The following EDARADD variants were observed in gnomAD, a reference collection of about 807,000 sequenced individuals.
EDARADD encodes ectodysplasin-A receptor-associated adapter protein.
A neutral mutation model predicts 25.6 loss-of-function variants in EDARADD; 20 were observed. The ratio of observed to expected loss-of-function variants is 0.78; its 90% CI spans 0.55 to 1.14. The LOEUF is 1.14. EDARADD is among the 50% of genes most tolerant of loss of function. The probability of loss-of-function intolerance (pLI) is 0.00; values close to 1 mark genes in which losing one functional copy is unlikely to be tolerated. For synonymous variants in EDARADD, 86 were observed against 94.4 expected (o/e 0.91, Z 0.52); for missense variants, 225 against 270.1 (o/e 0.83, Z 1.17).
At chr1:236,394,730 A>T (rs1458061081) in intron 1 of EDARADD, among the ~76,000 whole-genome samples, 1 of 152,226 alleles carries the variant, frequency 6.6e-6, no homozygotes, top group African/African-American at 2.4e-5. Context: ...TTCCTATAAT[A>T]GGCTTATGAT....
intron 4 of EDARADD, among the ~76,000 whole-genome samples, chr1:236,456,964 TG>T (rs536526325): frequency 1.4e-3 from 218 of 152,250 alleles, no homozygotes; most frequent in African/African-American, 5.1e-3. Context: ...CTGCATTCTA[TG>T]TTTTTGATTG....
At chr1:236,469,399 G>T (rs1056310945) in intron 5 of EDARADD, among the ~76,000 whole-genome samples, 4 of 152,090 alleles carry the variant, frequency 2.6e-5, no homozygotes, top group African/African-American at 9.7e-5. Context: ...CTTGAACCCG[G>T]GAGGCAAAGA....
chr1:236,351,117 C>T (rs1462595532), intron 3 of EDARADD, among the ~76,000 whole-genome samples: 4 of 151,860 alleles, frequency 2.6e-5, no homozygotes, highest in Non-Finnish European at 4.4e-5. Flanking sequence ...CCAGCCTAGG[C>T]GACGGTGAGA....
chr1:236,407,821 C>T (rs1260444912), intron 1 of EDARADD, among the ~76,000 whole-genome samples: 1 of 152,160 alleles, frequency 6.6e-6, no homozygotes, highest in Non-Finnish European at 1.5e-5. Flanking sequence ...TAGGTCCTGA[C>T]TGAGGTCTGT....
At chr1:236,411,854 G>C (rs1050858452) in intron 2 of EDARADD, among the ~76,000 whole-genome samples, 5 of 152,028 alleles carry the variant, frequency 3.3e-5, no homozygotes, top group Non-Finnish European at 5.9e-5. Flanking sequence ...CCTGGCCCTC[G>C]TCTCTTCTTT....
chr1:236,363,007 A>AAAAAAAAAAATT (rs1558100844), intron 3 of EDARADD, among the ~76,000 whole-genome samples: 1 of 40,376 alleles, frequency 2.5e-5, no homozygotes, highest in Non-Finnish European at 4.4e-5. Context: ...AAAAAAAAAA[A>AAAAAAAAAAATT]TATATATATA....
chr1:236,469,398 G>A (rs1032259435), intron 5 of EDARADD, among the ~76,000 whole-genome samples: 2 of 152,078 alleles, frequency 1.3e-5, no homozygotes, highest in Non-Finnish European at 2.9e-5. Flanking sequence ...GCTTGAACCC[G>A]GGAGGCAAAG....
intron 3 of EDARADD, among the ~76,000 whole-genome samples, chr1:236,380,229 T>C (rs113184217): frequency 2.0e-5 from 3 of 152,336 alleles, no homozygotes; most frequent in African/African-American, 7.2e-5. Flanking sequence ...AGGCATAAAG[T>C]GCTAAAGGTG....
intron 5 of EDARADD, among the ~76,000 whole-genome samples, chr1:236,477,401 G>C (rs138580684): frequency 0.015 from 2,331 of 152,232 alleles, 58 homozygotes; most frequent in African/African-American, 0.053. Flanking sequence ...TGTAGTCCCA[G>C]CTACTCGGGA....
intron 5 of EDARADD, among the ~76,000 whole-genome samples, chr1:236,475,443 A>G (rs1210518437): frequency 6.6e-6 from 1 of 152,194 alleles, no homozygotes; most frequent in African/African-American, 2.4e-5. Context: ...ATTCCAGTTA[A>G]GGAAATGGTT....
At chr1:236,405,822 T>TTCCTTCCTTCCTTCC in intron 1 of EDARADD, among the ~76,000 whole-genome samples, 1 of 55,392 alleles carries the variant, frequency 1.8e-5, no homozygotes, top group South Asian at 7.7e-4. Flanking sequence ...CCTTCCTTCC[T>TTCCTTCCTTCCTTCC]TTCCTTCCTT....
chr1:236,442,064 G>A (rs1658416623), intron 4 of EDARADD, among the ~76,000 whole-genome samples: 1 of 152,016 alleles, frequency 6.6e-6, no homozygotes, highest in Non-Finnish European at 1.5e-5. Flanking sequence ...CTAAACAACA[G>A]ATTTCCAGTG....
chr1:236,389,128 G>C (rs1369363873), intron 3 of EDARADD, among the ~76,000 whole-genome samples: 1 of 152,162 alleles, frequency 6.6e-6, no homozygotes. Flanking sequence ...ATGTATGAAG[G>C]CATTCACTAA....
intron 3 of EDARADD, among the ~76,000 whole-genome samples, chr1:236,351,126 G>C (rs1262157323): frequency 6.6e-6 from 1 of 151,924 alleles, no homozygotes; most frequent in Non-Finnish European, 1.5e-5. Context: ...GCGACGGTGA[G>C]ACCCCATCTC....
chr1:236,477,910 G>A (rs1259198402), intron 5 of EDARADD, among the ~76,000 whole-genome samples: 2 of 152,024 alleles, frequency 1.3e-5, no homozygotes, highest in South Asian at 2.1e-4. Flanking sequence ...TGAGACCAGC[G>A]TGGCCAACAT....
upstream of EDARADD, among the ~76,000 whole-genome samples, chr1:236,392,323 T>C (rs1185289943): frequency 2.2e-4 from 34 of 151,898 alleles, no homozygotes; most frequent in Admixed American, 2.2e-3. Context: ...CAGGCCTTAG[T>C]TTAGGTTTGT....
Position 236,483,862 on chromosome 1 carries a change from A to G in EDARADD, c.*1213A>G. The G allele has an allele frequency of 7.1e-7, 1 of 1,405,764 alleles. No individual in the cohort carries two copies. The highest frequency in any genetic ancestry group is 1.0e-6 in the Non-Finnish European group (1 of 992,494). The allele number at this position is 1,405,764 out of a possible 1,614,324, so 87.1% of individuals were successfully genotyped here. On this transcript the variant is annotated 3_prime_UTR_variant, in exon 6 of 6. Coordinates refer to ENST00000334232, the MANE Select transcript of EDARADD (RefSeq NM_145861.4). ...GAGCTGCTGAAGACTGCGATTGGGA[A>G]AGCTGGCTACACTGATAAGGTGATC...
chr1:236,471,462 A>G (rs890222248), intron 5 of EDARADD, among the ~76,000 whole-genome samples: 7 of 151,222 alleles, frequency 4.6e-5, no homozygotes, highest in African/African-American at 1.7e-4. Flanking sequence ...CACACTGGAA[A>G]CCACACACAG....
intron 3 of EDARADD, among the ~76,000 whole-genome samples, chr1:236,386,870 G>C: frequency 1.1e-5 from 1 of 93,868 alleles, no homozygotes; most frequent in African/African-American, 3.8e-5. Flanking sequence ...CGGGAGGGAG[G>C]TGGGGGGTCA....
Sources: gnomAD v4.1 joint callset for allele counts (sites outside exome capture counted in the v4.1 genomes callset) on GRCh38, gnomAD v4.1.1 for gene constraint, MANE v1.5 for transcripts, NCBI Gene and HGNC (gene_info 2026-07-23, HGNC 2026-07-21) for gene names.